The following HSD17B12 variants were observed in gnomAD, a reference collection of about 807,000 sequenced individuals.
HSD17B12 encodes hydroxysteroid 17-beta dehydrogenase 12.
Under a neutral mutation model 39.3 loss-of-function variants are expected in HSD17B12, and 32 were observed. That is an observed-to-expected ratio of 0.81 (90% CI 0.61 to 1.09). HSD17B12 has a LOEUF of 1.09. Among genes scored for constraint, HSD17B12 ranks in the 50% least tolerant of loss-of-function variants. The probability of loss-of-function intolerance (pLI) is 0.00; values close to 1 mark genes in which losing one functional copy is unlikely to be tolerated. For synonymous variants in HSD17B12, 150 were observed against 146.7 expected (o/e 1.02, Z -0.16); for missense variants, 342 against 382.9 (o/e 0.89, Z 0.89).
At chr11:43,819,682 G>T in intron 6 of HSD17B12, among the ~76,000 whole-genome samples, 1 of 152,140 alleles carries the variant, frequency 6.6e-6, no homozygotes, top group East Asian at 1.9e-4. Flanking sequence ...CCCATGAAAT[G>T]AGTTAGTGGA....
In HSD17B12 at chr11:43,855,857, C is replaced by G. The variant is rs1012219479; in HGVS notation, c.*609C>G. The G allele has an allele frequency of 2.0e-5, 3 of 149,446 alleles. No homozygotes were observed. Among genetic ancestry groups the G allele is most frequent in the African/African-American group, 7.5e-5 (3 of 40,210 alleles). 9.3% of individuals were successfully genotyped at this position (149,446 alleles called of 1,614,324 possible). A position where few individuals can be genotyped will look rare whatever the true frequency, so the allele number is the denominator to read the frequency against. On this transcript the variant is annotated 3_prime_UTR_variant, in exon 11 of 11. Coordinates refer to ENST00000278353, the MANE Select transcript of HSD17B12 (RefSeq NM_016142.3). ...AATTATTTCTGACACATGAAGCCCA[C>G]TAAACTATGCTTTCTTATAATGCAT... is the stretch of plus-strand genomic sequence containing the variant.
At chr11:43,643,272 A>T in the HSD17B12 span, among the ~76,000 whole-genome samples, 11 of 152,258 alleles carry the variant, frequency 7.2e-5, no homozygotes, top group Admixed American at 3.9e-4. Flanking sequence ...ACTTACATTG[A>T]TGATACAGTG....
At chr11:43,680,637 C>T, upstream of HSD17B12, 1 of 606,984 alleles carries the variant, frequency 1.6e-6, no homozygotes, top group Non-Finnish European at 3.0e-6. Context: ...ATGGCTGACG[C>T]ACTACGCGCA....
At chr11:43,748,717 A>G (rs1024845114) in intron 1 of HSD17B12, among the ~76,000 whole-genome samples, 1 of 152,258 alleles carries the variant, frequency 6.6e-6, no homozygotes, top group Admixed American at 6.5e-5. Flanking sequence ...ACAAACATTT[A>G]AATCTGTTAG....
chr11:43,830,743 T>TA (rs1465295798), intron 6 of HSD17B12: 1 of 328,184 alleles, frequency 3.0e-6, no homozygotes, highest in East Asian at 5.3e-5. Context: ...AGACTAATTT[T>TA]AGCCAGGTTC....
At chr11:43,629,820 A>G in the HSD17B12 span, among the ~76,000 whole-genome samples, 9 of 152,216 alleles carry the variant, frequency 5.9e-5, no homozygotes, top group Non-Finnish European at 1.3e-4. Flanking sequence ...TTAACTGTTA[A>G]GTAGGGAGGA....
intron 1 of HSD17B12, among the ~76,000 whole-genome samples, chr11:43,685,457 T>C (rs1384974732): frequency 1.3e-5 from 2 of 152,262 alleles, no homozygotes; most frequent in Admixed American, 1.3e-4. Context: ...TGAAGAATTA[T>C]ATATGAAATG....
upstream of HSD17B12, chr11:43,680,650 G>A: frequency 1.6e-6 from 1 of 635,064 alleles, no homozygotes; most frequent in Middle Eastern, 4.3e-4. Context: ...TACGCGCAGA[G>A]GGAAAGACGG....
chr11:43,626,136 C>T, the HSD17B12 span, among the ~76,000 whole-genome samples: 1 of 150,748 alleles, frequency 6.6e-6, no homozygotes, highest in African/African-American at 2.4e-5. Flanking sequence ...TTTTTAAAAC[C>T]CGGTATTATA....
At chr11:43,598,617 T>C in the HSD17B12 span, among the ~76,000 whole-genome samples, 2 of 152,222 alleles carry the variant, frequency 1.3e-5, no homozygotes, top group South Asian at 4.1e-4. Context: ...TTTCCCCTTC[T>C]GCCCCCTAGG....
chr11:43,562,838 T>C, the HSD17B12 span, among the ~76,000 whole-genome samples: 1 of 152,290 alleles, frequency 6.6e-6, no homozygotes, highest in Non-Finnish European at 1.5e-5. Context: ...GGAACTCAAC[T>C]CTTTTGTCCC....
chr11:43,666,499 C>T, the HSD17B12 span, among the ~76,000 whole-genome samples: 121 of 152,310 alleles, frequency 7.9e-4, 2 homozygotes, highest in South Asian at 0.024. Flanking sequence ...ACCACCACAC[C>T]TGGCCATTTT....
intron 3 of HSD17B12, among the ~76,000 whole-genome samples, chr11:43,784,639 A>G (rs1023042012): frequency 1.3e-5 from 2 of 152,154 alleles, no homozygotes; most frequent in African/African-American, 2.4e-5. Context: ...GGTGGCAACA[A>G]AACCTTTTAT....
At chr11:43,772,985 C>G (rs1433291810) in intron 3 of HSD17B12, among the ~76,000 whole-genome samples, 1 of 152,042 alleles carries the variant, frequency 6.6e-6, no homozygotes, top group Non-Finnish European at 1.5e-5. Context: ...GTGGCACGTG[C>G]TTATAGTTTC....
intron 1 of HSD17B12, among the ~76,000 whole-genome samples, chr11:43,690,357 CATACAT>C (rs1176305856): frequency 4.3e-4 from 32 of 74,066 alleles, no homozygotes; most frequent in Middle Eastern, 8.1e-3. Flanking sequence ...GTAAGGTATT[CATACAT>C]ATATATATAT....
At chr11:43,806,948 T>C (rs868737519) in intron 4 of HSD17B12, among the ~76,000 whole-genome samples, 18 of 152,344 alleles carry the variant, frequency 1.2e-4, no homozygotes, top group Middle Eastern at 6.8e-3. Context: ...ACATTTAATA[T>C]GTATCAGTTT....
At chr11:43,802,445 A>G (rs958419667) in intron 4 of HSD17B12, among the ~76,000 whole-genome samples, 4 of 152,170 alleles carry the variant, frequency 2.6e-5, no homozygotes, top group African/African-American at 9.7e-5. Flanking sequence ...ACTTAATAGC[A>G]TATCTCAATT....
chr11:43,713,256 T>C (rs994788259), intron 1 of HSD17B12, among the ~76,000 whole-genome samples: 6 of 151,416 alleles, frequency 4.0e-5, no homozygotes, highest in African/African-American at 1.2e-4. Flanking sequence ...ATTAGGTATA[T>C]CTCCTAATGC....
chr11:43,849,086 T>G (rs1951506679), intron 9 of HSD17B12, among the ~76,000 whole-genome samples: 1 of 152,110 alleles, frequency 6.6e-6, no homozygotes. Context: ...ATGGATTGCT[T>G]GGGCTCATTG....
Sources: gnomAD v4.1 joint callset for allele counts (sites outside exome capture counted in the v4.1 genomes callset) on GRCh38, gnomAD v4.1.1 for gene constraint, MANE v1.5 for transcripts, NCBI Gene and HGNC (gene_info 2026-07-23, HGNC 2026-07-21) for gene names.